The following PRIM2 variants were observed in gnomAD, a reference collection of about 807,000 sequenced individuals.
PRIM2 encodes the protein DNA primase subunit 2, also known as DNA primase large subunit.
In PRIM2, 39 loss-of-function variants were observed where a neutral mutation model predicts 67.3. The ratio of observed to expected loss-of-function variants is 0.58; its 90% CI spans 0.45 to 0.76. The LOEUF is 0.76. Among genes scored for constraint, PRIM2 ranks in the 30% least tolerant of loss-of-function variants. The probability of loss-of-function intolerance (pLI) is 0.00; values close to 1 mark genes in which losing one functional copy is unlikely to be tolerated. For missense variants in PRIM2, 398 were observed against 598.7 expected, an observed-to-expected ratio of 0.66 and a Z score of 3.50; for synonymous variants, 143 against 198.7, an observed-to-expected ratio of 0.72 and a Z score of 2.36.
At chr6:57,435,994 A>G (rs2127382019) in intron 7 of PRIM2, among the ~76,000 whole-genome samples, 1 of 152,342 alleles carries the variant, frequency 6.6e-6, no homozygotes, top group East Asian at 1.9e-4. Context: ...TTCAGAGGCT[A>G]GGAAAATTAT....
At chr6:57,574,534 T>C (rs1402185523) in intron 10 of PRIM2, among the ~76,000 whole-genome samples, 5 of 152,208 alleles carry the variant, frequency 3.3e-5, no homozygotes, top group Non-Finnish European at 5.9e-5. Context: ...CAACTAGTTA[T>C]ATAATTTGCA....
chr6:57,391,162 G>A (rs1770332737), intron 7 of PRIM2, among the ~76,000 whole-genome samples: 2 of 146,146 alleles, frequency 1.4e-5, no homozygotes, highest in South Asian at 4.6e-4. Context: ...TTGTTCATAT[G>A]CTTCTTGGCC....
chr6:57,364,213 G>A (rs369602623), intron 5 of PRIM2, among the ~76,000 whole-genome samples: 18 of 152,078 alleles, frequency 1.2e-4, no homozygotes, highest in African/African-American at 4.3e-4. Context: ...TAAAATCTGT[G>A]TGGTCTGTTC....
chr6:57,430,124 C>A (rs1361483190), intron 7 of PRIM2, among the ~76,000 whole-genome samples: 22 of 152,090 alleles, frequency 1.4e-4, no homozygotes, highest in African/African-American at 5.3e-4. Flanking sequence ...ATTGTTAGTT[C>A]AGTCACAATC....
intron 10 of PRIM2, among the ~76,000 whole-genome samples, chr6:57,593,041 G>A (rs1776308523): frequency 1.3e-5 from 2 of 152,154 alleles, no homozygotes; most frequent in African/African-American, 2.4e-5. Flanking sequence ...GGATAAAGGT[G>A]TGCCTGCTTT....
chr6:57,624,466 C>T (rs1239516663), intron 12 of PRIM2, among the ~76,000 whole-genome samples: 1 of 152,160 alleles, frequency 6.6e-6, no homozygotes. Flanking sequence ...TAATAATTAA[C>T]TATTATAAAG....
chr6:57,348,517 C>G (rs1438003539), intron 5 of PRIM2, among the ~76,000 whole-genome samples: 1 of 152,098 alleles, frequency 6.6e-6, no homozygotes, highest in African/African-American at 2.4e-5. Context: ...CTGTTTCAAA[C>G]TGAGCCTTTC....
intron 5 of PRIM2, among the ~76,000 whole-genome samples, chr6:57,328,559 T>C (rs1422954387): frequency 6.6e-6 from 1 of 152,234 alleles, no homozygotes; most frequent in Non-Finnish European, 1.5e-5. Context: ...ATTTTACCTG[T>C]TCAGCATTCG....
At chr6:57,629,655 C>G (rs1777010672) in intron 12 of PRIM2, among the ~76,000 whole-genome samples, 1 of 151,670 alleles carries the variant, frequency 6.6e-6, no homozygotes. Flanking sequence ...CATCTATTCC[C>G]TGAATTCCTG....
At chr6:57,230,487 T>C in the PRIM2 span, among the ~76,000 whole-genome samples, 1 of 152,250 alleles carries the variant, frequency 6.6e-6, no homozygotes, top group Non-Finnish European at 1.5e-5. Context: ...TGTATATGTT[T>C]ATCTACGCTT....
At chr6:57,559,352 C>G (rs1775583185) in intron 10 of PRIM2, among the ~76,000 whole-genome samples, 1 of 152,132 alleles carries the variant, frequency 6.6e-6, no homozygotes, top group Non-Finnish European at 1.5e-5. Context: ...GTTGACTGCC[C>G]TGACTTCAGT....
At chr6:57,367,716 A>G (rs1409142934) in intron 5 of PRIM2, among the ~76,000 whole-genome samples, 6 of 152,200 alleles carry the variant, frequency 3.9e-5, no homozygotes, top group Non-Finnish European at 7.3e-5. Flanking sequence ...ATATGTGAGG[A>G]CTTCTAAAAG....
At chr6:57,576,290 G>A (rs1490956523) in intron 10 of PRIM2, among the ~76,000 whole-genome samples, 10,510 of 151,736 alleles carry the variant, frequency 0.069, 524 homozygotes, top group East Asian at 0.21. Flanking sequence ...AAATTATTAG[G>A]TTGTAGAATT....
upstream of PRIM2, among the ~76,000 whole-genome samples, chr6:57,313,362 C>T (rs1411695648): frequency 6.6e-6 from 1 of 152,118 alleles, no homozygotes; most frequent in African/African-American, 2.4e-5. Flanking sequence ...TTTATAAGAG[C>T]AGGATTTTTT....
chr6:57,469,686 A>G (rs1197145023), intron 7 of PRIM2, among the ~76,000 whole-genome samples: 2 of 152,164 alleles, frequency 1.3e-5, no homozygotes, highest in Non-Finnish European at 2.9e-5. Flanking sequence ...GTTAAGTAGT[A>G]TATACTTTCA....
At chr6:57,575,431 C>T (rs1412158663) in intron 10 of PRIM2, among the ~76,000 whole-genome samples, 1 of 152,142 alleles carries the variant, frequency 6.6e-6, no homozygotes, top group African/African-American at 2.4e-5. Context: ...TCCTTCACTA[C>T]ACATTGTAAA....
At chr6:57,467,105 C>CAAAAAAAA (rs1268292523) in intron 7 of PRIM2, among the ~76,000 whole-genome samples, 5 of 94,268 alleles carry the variant, frequency 5.3e-5, no homozygotes, top group African/African-American at 8.3e-5. Flanking sequence ...AACTCCATCT[C>CAAAAAAAA]AAAAAAAAAA....
At chr6:57,487,550 C>T (rs1773783435) in intron 7 of PRIM2, among the ~76,000 whole-genome samples, 1 of 152,050 alleles carries the variant, frequency 6.6e-6, no homozygotes, top group African/African-American at 2.4e-5. Flanking sequence ...ATTTGGATCT[C>T]AAAATTATTT....
chr6:57,343,417 AT>A (rs1431841528), intron 5 of PRIM2, among the ~76,000 whole-genome samples: 1 of 152,200 alleles, frequency 6.6e-6, no homozygotes, highest in Non-Finnish European at 1.5e-5. Context: ...TTGCAAAGCA[AT>A]TTTTGTGTGA....
Sources: gnomAD v4.1 joint callset for allele counts (sites outside exome capture counted in the v4.1 genomes callset) on GRCh38, gnomAD v4.1.1 for gene constraint, MANE v1.5 for transcripts, NCBI Gene and HGNC (gene_info 2026-07-23, HGNC 2026-07-21) for gene names.